The following DNMT3B variants were observed in gnomAD, a reference collection of about 807,000 sequenced individuals.
DNMT3B encodes the protein DNA (cytosine-5)-methyltransferase 3B.
Under a neutral mutation model 120.2 loss-of-function variants are expected in DNMT3B, and 37 were observed. The ratio of observed to expected loss-of-function variants is 0.31; its 90% CI spans 0.24 to 0.40. The LOEUF is 0.40. Among genes scored for constraint, DNMT3B ranks in the 10% least tolerant of loss-of-function variants. The probability of loss-of-function intolerance (pLI) is 1.00; values close to 1 mark genes in which losing one functional copy is unlikely to be tolerated. For missense variants in DNMT3B, 878 were observed against 1,137.3 expected (o/e 0.77, Z 3.28); for synonymous variants, 412 against 442.8 (o/e 0.93, Z 0.87).
At chr20:32,767,003 G>A (rs1003709046) in intron 1 of DNMT3B, among the ~76,000 whole-genome samples, 4 of 152,046 alleles carry the variant, frequency 2.6e-5, no homozygotes, top group Non-Finnish European at 4.4e-5. Flanking sequence ...TGATTCTCCT[G>A]CGTCAGCCTC....
chr20:32,806,202 T>C lies in DNMT3B; in HGVS notation c.2302-7T>C, dbSNP rs1363573927. On this transcript the variant is annotated splice_polypyrimidine_tract_variant and splice_region_variant and intron_variant, in intron 21 of 22. Coordinates refer to ENST00000328111, the MANE Select transcript of DNMT3B (RefSeq NM_006892.4). Reference sequence around the variant, plus strand: ...TGCTCACTCCATGATGTCATTTTGTTCTCCAGTTAAAGAAAGTACAGACAA... The same window carrying C: ...TGCTCACTCCATGATGTCATTTTGTCCTCCAGTTAAAGAAAGTACAGACAA... The C allele has an allele frequency of 1.2e-6, 2 of 1,613,664 alleles. No individual in the cohort carries two copies. Among genetic ancestry groups the C allele is most frequent in the Non-Finnish European group, 1.7e-6 (2 of 1,179,610 alleles).
At chr20:32,792,791 C>T in intron 9 of DNMT3B, 21 bp downstream of exon 9, 2 of 1,613,770 alleles carry the variant, frequency 1.2e-6, no homozygotes, top group Admixed American at 1.7e-5. Context: ...GTCCCCATGG[C>T]AGCACCCGCT....
At chr20:32,795,778 C>A in intron 12 of DNMT3B, 84 bp downstream of exon 12, 1 of 1,558,084 alleles carries the variant, frequency 6.4e-7, no homozygotes, top group South Asian at 1.1e-5. Flanking sequence ...TCCACCCTGT[C>A]AGGGTTTAAC....
chr20:32,795,468 C>T lies in DNMT3B; in HGVS notation c.1186C>T (p.Pro396Ser), dbSNP rs138171867. The T allele has an allele frequency of 4.2e-5, 67 of 1,614,198 alleles. No individual in the cohort carries two copies. In the African/African-American group the frequency reaches 6.1e-4, roughly 15 times the overall value. Residue 396 changes from proline to serine, a missense_variant, in exon 11 of 23, where the codon CCC (proline) becomes TCC (serine). Coordinates refer to ENST00000328111, the MANE Select transcript of DNMT3B (RefSeq NM_006892.4). Reference sequence around the variant, plus strand: ...AGCCACCTCTGACTACTGCCCCGCACCCAAGCGCCTCAAGACAAATTGCTA... The same window carrying T: ...AGCCACCTCTGACTACTGCCCCGCATCCAAGCGCCTCAAGACAAATTGCTA... Reference protein sequence around the residue: ...DSATSDYCPAPKRLKTNCYNN... With the variant: ...DSATSDYCPASKRLKTNCYNN...
rs577934290 is a variant in DNMT3B at position 32,804,600 on chromosome 20, C to T, written c.2232-738C>T. ...GCTGCTCAACTACTTTCAGTTCTAG[C>T]CCTTGCCCTTCTTAGTCATCTGTTT... On this transcript the variant is annotated intron_variant, in intron 20 of 22. Coordinates refer to ENST00000328111, the MANE Select transcript of DNMT3B (RefSeq NM_006892.4). 2.6e-5 allele frequency among the ~76,000 whole-genome samples: 4 copies of T among 152,232 alleles called. No homozygotes were observed. In the East Asian group the frequency reaches 7.7e-4, roughly 29 times the overall value.
At chr20:32,763,265 C>T (rs1409752891) in intron 1 of DNMT3B, among the ~76,000 whole-genome samples, 1 of 152,206 alleles carries the variant, frequency 6.6e-6, no homozygotes, top group Non-Finnish European at 1.5e-5. Context: ...GGAAAGAGCT[C>T]GTGAGTGTGG....
intron 1 of DNMT3B, among the ~76,000 whole-genome samples, chr20:32,765,865 C>T (rs886391674): frequency 1.5e-4 from 23 of 150,160 alleles, no homozygotes; most frequent in African/African-American, 5.7e-4. Flanking sequence ...ATGCCATTCT[C>T]CTGCCTCAGC....
intron 1 of DNMT3B, among the ~76,000 whole-genome samples, chr20:32,773,089 G>C (rs1987841338): frequency 6.6e-6 from 1 of 150,894 alleles, no homozygotes; most frequent in Non-Finnish European, 1.5e-5. Context: ...AAAGTGCTGG[G>C]ATCACAGACG....
chr20:32,783,140 T>G (rs563775309), intron 3 of DNMT3B, among the ~76,000 whole-genome samples: 30 of 152,146 alleles, frequency 2.0e-4, no homozygotes, highest in Non-Finnish European at 4.0e-4. Flanking sequence ...TTGGCCAGGC[T>G]GGTCTCGAAC....
intron 1 of DNMT3B, among the ~76,000 whole-genome samples, chr20:32,779,182 G>T (rs1029920986): frequency 6.6e-5 from 10 of 152,186 alleles, no homozygotes; most frequent in African/African-American, 2.4e-4. Flanking sequence ...GGGCCTGGAG[G>T]TCTCATTATG....
intron 1 of DNMT3B, among the ~76,000 whole-genome samples, chr20:32,779,273 G>T (rs1569686): frequency 0.57 from 86,843 of 152,124 alleles, 28,220 homozygotes; most frequent in East Asian, 0.92. Context: ...CGGTTTCAGC[G>T]GGGATTTATG....
At chr20:32,779,389 A>G (rs1024365719) in intron 1 of DNMT3B, among the ~76,000 whole-genome samples, 32 of 152,196 alleles carry the variant, frequency 2.1e-4, no homozygotes, top group Non-Finnish European at 1.9e-4. Flanking sequence ...TTCTTTTTCT[A>G]GAAGGTGAGC....
chr20:32,806,514 G>T (rs987833340), intron 22 of DNMT3B, among the ~76,000 whole-genome samples, 187 bp downstream of exon 22: 35 of 152,194 alleles, frequency 2.3e-4, no homozygotes, highest in Admixed American at 2.3e-3. Context: ...GGGTGTGGTG[G>T]TGGTGAGGAA....
At chr20:32,771,170 A>G (rs984025952) in intron 1 of DNMT3B, among the ~76,000 whole-genome samples, 2 of 152,212 alleles carry the variant, frequency 1.3e-5, no homozygotes, top group South Asian at 2.1e-4. Flanking sequence ...TTGAAAGTCT[A>G]TCCATGTTGA....
At chr20:32,783,658 C>G (rs1029135850) in intron 3 of DNMT3B, among the ~76,000 whole-genome samples, 28 of 152,024 alleles carry the variant, frequency 1.8e-4, no homozygotes, top group African/African-American at 6.8e-4. Context: ...CTCAGCACTG[C>G]TGTTTTGTTT....
At chr20:32,795,382 C>T (rs1281036832) in intron 10 of DNMT3B, 27 bp from the exon 11 acceptor site, 10 of 1,613,542 alleles carry the variant, frequency 6.2e-6, no homozygotes, top group East Asian at 2.2e-5. Context: ...TACCAAGCCA[C>T]GGCTGCAGTC....
chr20:32,779,973 G>T, intron 1 of DNMT3B: 1 of 1,106,598 alleles, frequency 9.0e-7, no homozygotes, highest in Non-Finnish European at 1.3e-6. Flanking sequence ...GGCGGCAGAC[G>T]GGCCGGGACA....
chr20:32,806,202 T>G lies in DNMT3B; in HGVS notation c.2302-7T>G. 1 of 1,613,664 alleles carries G rather than the reference T, an allele frequency of 6.2e-7. No homozygotes were observed. ...TGCTCACTCCATGATGTCATTTTGT[T>G]CTCCAGTTAAAGAAAGTACAGACAA... On this transcript the variant is annotated splice_polypyrimidine_tract_variant and splice_region_variant and intron_variant, in intron 21 of 22. Coordinates refer to ENST00000328111, the MANE Select transcript of DNMT3B (RefSeq NM_006892.4).
chr20:32,773,682 G>C (rs1409186758), intron 1 of DNMT3B, among the ~76,000 whole-genome samples: 7 of 150,548 alleles, frequency 4.6e-5, no homozygotes. Context: ...CATGACGATA[G>C]CTTTACTGCA....
Sources: gnomAD v4.1 joint callset for allele counts (sites outside exome capture counted in the v4.1 genomes callset) on GRCh38, gnomAD v4.1.1 for gene constraint, MANE v1.5 for transcripts, NCBI Gene and HGNC (gene_info 2026-07-23, HGNC 2026-07-21) for gene names.